Variants in IL36B observed in about 807,000 individuals in gnomAD.
IL36B encodes interleukin-36 beta.
In IL36B, 23 loss-of-function variants were observed where a neutral mutation model predicts 19.3. The ratio of observed to expected loss-of-function variants is 1.19; its 90% CI spans 0.86 to 1.69. IL36B has a LOEUF of 1.69. IL36B is among the 40% of genes most tolerant of loss of function. The pLI, the probability that IL36B is intolerant of heterozygous loss-of-function variation, is 0.00. For synonymous variants in IL36B, 59 were observed against 59.7 expected (o/e 0.99, Z 0.05); for missense variants, 217 against 200.5 (o/e 1.08, Z -0.50).
At position 113,027,429 on chromosome 2, in the gene IL36B, T is replaced by G; in HGVS notation, c.262-1197A>C. On this transcript the variant is annotated intron_variant, in intron 4 of 5. Coordinates refer to ENST00000259213, the MANE Select transcript of IL36B (RefSeq NM_014438.5). Reference sequence around the variant, plus strand: ...AATTATTAACGAATGACATTAAGAATTCATTAGGATTAGAAAGACATGCAA... The same window carrying G: ...AATTATTAACGAATGACATTAAGAAGTCATTAGGATTAGAAAGACATGCAA... The G allele has an allele frequency of 1.0e-6, 1 of 987,356 alleles. No homozygotes were observed. 61.2% of individuals were successfully genotyped at this position (987,356 alleles called of 1,614,324 possible). A position where few individuals can be genotyped will look rare whatever the true frequency, so the allele number is the denominator to read the frequency against.
At chr2:113,025,722 C>G (rs182435365) in intron 5 of IL36B, among the ~76,000 whole-genome samples, 6 of 152,202 alleles carry the variant, frequency 3.9e-5, no homozygotes, top group Middle Eastern at 3.4e-3. Context: ...AAGACATAGG[C>G]AGCAATGGAA....
chr2:113,036,090 A>G (rs1303770373), intron 1 of IL36B, among the ~76,000 whole-genome samples: 1 of 152,072 alleles, frequency 6.6e-6, no homozygotes, highest in East Asian at 1.9e-4. Context: ...AGTTACAGGC[A>G]TGCACCACCA....
chr2:113,022,669 TA>T lies in IL36B; in HGVS notation c.*4del. ...GTAGAGATGGGAATCTTCCTCCCCT[TA>T]TTTCTACATCCTTCCTGGCATTCCT... is the stretch of plus-strand genomic sequence containing the variant. On this transcript the variant is annotated 3_prime_UTR_variant, in exon 6 of 6. Coordinates refer to ENST00000259213, the MANE Select transcript of IL36B (RefSeq NM_014438.5). 6.4e-7 allele frequency: 1 copy of T among 1,557,704 alleles called. No homozygotes were observed. The highest frequency in any genetic ancestry group is 8.9e-7 in the Non-Finnish European group (1 of 1,128,534).
At chr2:113,024,734 G>A (rs1684922686) in intron 5 of IL36B, among the ~76,000 whole-genome samples, 1 of 152,132 alleles carries the variant, frequency 6.6e-6, no homozygotes, top group South Asian at 2.1e-4. Flanking sequence ...CAGTGCCCTT[G>A]GAATAGCTGG....
At chr2:113,023,018 G>C (rs1684889843) in intron 5 of IL36B, among the ~76,000 whole-genome samples, 1 of 152,146 alleles carries the variant, frequency 6.6e-6, no homozygotes, top group Non-Finnish European at 1.5e-5. Context: ...CTAGATTGAG[G>C]CCCCAGAAGA....
intron 5 of IL36B, chr2:113,022,802 T>C (rs1684886175): frequency 6.7e-7 from 1 of 1,493,468 alleles, no homozygotes; most frequent in African/African-American, 1.4e-5. Context: ...AAGTATCTCC[T>C]AGGCTTAGCA....
At chr2:113,030,121 C>T (rs758130366) in intron 3 of IL36B, among the ~76,000 whole-genome samples, 3 of 151,988 alleles carry the variant, frequency 2.0e-5, no homozygotes, top group Middle Eastern at 3.2e-3. Flanking sequence ...ATCCCAGCTA[C>T]TCAGGAGTCT....
intron 5 of IL36B, among the ~76,000 whole-genome samples, chr2:113,023,711 A>G (rs1684902921): frequency 6.6e-6 from 1 of 152,212 alleles, no homozygotes; most frequent in Non-Finnish European, 1.5e-5. Context: ...CTTCCCAACC[A>G]TACGGCCTAG....
chr2:113,038,198 A>G (rs748946377), intron 1 of IL36B, among the ~76,000 whole-genome samples: 1 of 152,204 alleles, frequency 6.6e-6, no homozygotes, highest in Admixed American at 6.5e-5. Flanking sequence ...CTTTCCAGAC[A>G]GGGATGATGC....
chr2:113,052,663 A>G (rs1455445650), intron 1 of IL36B, among the ~76,000 whole-genome samples, 154 bp downstream of exon 1: 2 of 152,224 alleles, frequency 1.3e-5, no homozygotes, highest in Non-Finnish European at 2.9e-5. Context: ...TTCTGCACTC[A>G]TTACGCCAGT....
chr2:113,039,624 A>AT (rs1183550416), intron 1 of IL36B, among the ~76,000 whole-genome samples: 1 of 152,226 alleles, frequency 6.6e-6, no homozygotes, highest in Non-Finnish European at 1.5e-5. Context: ...TTGAAGCCAT[A>AT]AAGGGAAGGA....
At position 113,046,464 on chromosome 2, in the gene IL36B, C is replaced by CT. The variant is rs562613965; in HGVS notation, c.-58+6352_-58+6353insA. Among the ~76,000 whole-genome samples, 1,397 of 152,158 alleles carry CT rather than the reference C, an allele frequency of 9.2e-3. 21 individuals carry two copies. Among genetic ancestry groups the CT allele is most frequent in the South Asian group, 0.017 (80 of 4,826 alleles). On this transcript the variant is annotated intron_variant, in intron 1 of 5. Coordinates refer to ENST00000259213, the MANE Select transcript of IL36B (RefSeq NM_014438.5). Reference sequence around the variant, plus strand: ...GACCTCGTGATCCGCCCACCTCGGCCCCCAAAGTGTTGGGATTACAGGCGT... The same window carrying CT: ...GACCTCGTGATCCGCCCACCTCGGCCTCCCAAAGTGTTGGGATTACAGGCGT...
chr2:113,022,796 A>G, intron 5 of IL36B: 1 of 1,501,740 alleles, frequency 6.7e-7, no homozygotes, highest in Non-Finnish European at 9.3e-7. Flanking sequence ...AAGGAGAAGT[A>G]TCTCCTAGGC....
chr2:113,026,095 C>T lies in IL36B; in HGVS notation c.391+8G>A, dbSNP rs775036226. The stretch of plus-strand genomic sequence containing the variant: ...CCTGTGGGATGGATAAGAGAATTTG[C>T]TCCTCACCCACTCCTATTCCCCATT... On this transcript the variant is annotated splice_region_variant and intron_variant, in intron 5 of 5. Coordinates refer to ENST00000259213, the MANE Select transcript of IL36B (RefSeq NM_014438.5). The T allele has an allele frequency of 3.5e-5, 56 of 1,612,838 alleles. No homozygotes were observed. Among genetic ancestry groups the T allele is most frequent in the African/African-American group, 5.3e-5 (4 of 74,870 alleles).
intron 1 of IL36B, among the ~76,000 whole-genome samples, chr2:113,045,464 C>T (rs1342378284): frequency 6.6e-6 from 1 of 152,098 alleles, no homozygotes; most frequent in Non-Finnish European, 1.5e-5. Context: ...CTTCATATTT[C>T]ATGTGCACGG....
chr2:113,041,010 T>C (rs1685246629), intron 1 of IL36B, among the ~76,000 whole-genome samples: 1 of 151,978 alleles, frequency 6.6e-6, no homozygotes, highest in Non-Finnish European at 1.5e-5. Flanking sequence ...CAAAGATTAG[T>C]GGGGCATGGT....
At chr2:113,050,745 G>C (rs1340807785) in intron 1 of IL36B, among the ~76,000 whole-genome samples, 1 of 152,188 alleles carries the variant, frequency 6.6e-6, no homozygotes, top group Non-Finnish European at 1.5e-5. Context: ...AAAAAAGATA[G>C]TTTCTGTTTT....
Position 113,027,538 on chromosome 2 carries a change from C to G in IL36B, c.262-1306G>C, listed in dbSNP as rs1684986584. 3 of 1,028,874 alleles carry G rather than the reference C, an allele frequency of 2.9e-6. No individual in the cohort carries two copies. In the African/African-American group the frequency reaches 5.1e-5, roughly 18 times the overall value. The allele number at this position is 1,028,874 out of a possible 1,614,324, so 63.7% of individuals were successfully genotyped here. A position where few individuals can be genotyped will look rare whatever the true frequency, so the allele number is the denominator to read the frequency against. ...TGTTTTATTGAAGAAGTTGTATGAA[C>G]AAAATGTCATGAATCCACATCTCTA... is the stretch of plus-strand genomic sequence containing the variant. On this transcript the variant is annotated intron_variant, in intron 4 of 5. Coordinates refer to ENST00000259213, the MANE Select transcript of IL36B (RefSeq NM_014438.5).
chr2:113,034,295 C>T (rs1183245868), intron 1 of IL36B, among the ~76,000 whole-genome samples: 4 of 152,156 alleles, frequency 2.6e-5, no homozygotes, highest in Non-Finnish European at 5.9e-5. Flanking sequence ...GAACAGCCTT[C>T]CCCAGGTCAA....
Sources: gnomAD v4.1 joint callset for allele counts (sites outside exome capture counted in the v4.1 genomes callset) on GRCh38, gnomAD v4.1.1 for gene constraint, MANE v1.5 for transcripts, NCBI Gene and HGNC (gene_info 2026-07-23, HGNC 2026-07-21) for gene names.